The following CRIM1 variants were observed in gnomAD, a reference collection of about 807,000 sequenced individuals.
The protein encoded by CRIM1 is cysteine-rich motor neuron 1 protein.
CRIM1 carries 32 observed loss-of-function variants against 116.4 expected under a neutral mutation model. The observed-to-expected ratio is 0.27, with a 90% CI of 0.21 to 0.37. CRIM1 has a LOEUF of 0.37. CRIM1 is among the 10% of genes least tolerant of loss of function. The probability of loss-of-function intolerance (pLI) is 1.00; values close to 1 mark genes in which losing one functional copy is unlikely to be tolerated. For synonymous variants in CRIM1, 590 were observed against 509.2 expected (o/e 1.16, Z -2.13); for missense variants, 1,331 against 1,354.8 (o/e 0.98, Z 0.28).
chr2:36,495,186 CCAT>C (rs1180040392), intron 7 of CRIM1, among the ~76,000 whole-genome samples: 1 of 152,116 alleles, frequency 6.6e-6, no homozygotes, highest in Non-Finnish European at 1.5e-5. Flanking sequence ...TAGGGGATCA[CCAT>C]CATCCTAGAA....
At chr2:36,517,970 A>G (rs1041980672) in intron 12 of CRIM1, among the ~76,000 whole-genome samples, 2 of 152,242 alleles carry the variant, frequency 1.3e-5, no homozygotes, top group African/African-American at 4.8e-5. Context: ...ATTCTTTGAA[A>G]TATAAGGGTG....
intron 13 of CRIM1, among the ~76,000 whole-genome samples, chr2:36,533,285 G>C (rs921389002): frequency 1.3e-5 from 2 of 152,034 alleles, no homozygotes; most frequent in Non-Finnish European, 2.9e-5. Context: ...AGTGTATCTA[G>C]GAAAAGAAAT....
At chr2:36,467,261 C>T (rs1410877699) in intron 5 of CRIM1, among the ~76,000 whole-genome samples, 1 of 152,182 alleles carries the variant, frequency 6.6e-6, no homozygotes, top group African/African-American at 2.4e-5. Context: ...ATATATCAGT[C>T]ATTCACCTGT....
chr2:36,445,615 T>C (rs1218680938), intron 4 of CRIM1, among the ~76,000 whole-genome samples: 1 of 152,232 alleles, frequency 6.6e-6, no homozygotes, highest in African/African-American at 2.4e-5. Flanking sequence ...TTCCTCTGTA[T>C]GCATTAGTGC....
intron 1 of CRIM1, among the ~76,000 whole-genome samples, chr2:36,368,196 G>A (rs1315049686): frequency 3.3e-5 from 5 of 152,196 alleles, no homozygotes; most frequent in African/African-American, 9.7e-5. Context: ...GGGGTGTGGG[G>A]TCGCTGGCCA....
intron 9 of CRIM1, 127 bp from the exon 10 acceptor site, chr2:36,512,146 T>G: frequency 8.6e-7 from 1 of 1,159,796 alleles, no homozygotes. Context: ...TCCAGGAATC[T>G]TTGAGAGCAA....
intron 16 of CRIM1, 70 bp from the exon 17 acceptor site, chr2:36,548,455 A>G: frequency 8.3e-7 from 1 of 1,202,838 alleles, no homozygotes; most frequent in Non-Finnish European, 1.2e-6. Context: ...TAGGTACTAA[A>G]TTTCTGTTCA....
chr2:36,394,231 C>T (rs1159945776), intron 1 of CRIM1, among the ~76,000 whole-genome samples: 2 of 152,116 alleles, frequency 1.3e-5, no homozygotes, highest in Non-Finnish European at 2.9e-5. Context: ...ACATGGCTTC[C>T]AGTAGTTCAA....
intron 1 of CRIM1, among the ~76,000 whole-genome samples, chr2:36,362,823 A>G (rs958211735): frequency 6.6e-6 from 1 of 152,208 alleles, no homozygotes; most frequent in African/African-American, 2.4e-5. Flanking sequence ...GTGAACAGGT[A>G]TCAATTCCTT....
intron 1 of CRIM1, among the ~76,000 whole-genome samples, chr2:36,364,456 A>C (rs1572560050): frequency 6.6e-6 from 1 of 152,338 alleles, no homozygotes; most frequent in South Asian, 2.1e-4. Context: ...CAGTTCAGTA[A>C]GCCATGAGAT....
chr2:36,544,064 A>G (rs2125187457), intron 14 of CRIM1, among the ~76,000 whole-genome samples: 1 of 152,370 alleles, frequency 6.6e-6, no homozygotes, highest in East Asian at 1.9e-4. Flanking sequence ...AAAGTAATAA[A>G]TAACTTCAGC....
chr2:36,486,015 T>G (rs1253378761), intron 7 of CRIM1, among the ~76,000 whole-genome samples: 3 of 152,218 alleles, frequency 2.0e-5, no homozygotes, highest in Non-Finnish European at 4.4e-5. Flanking sequence ...ACCTAGGTCT[T>G]TAACATAAAC....
intron 4 of CRIM1, among the ~76,000 whole-genome samples, chr2:36,452,203 A>G (rs860232): frequency 0.76 from 114,852 of 151,850 alleles, 43,948 homozygotes; most frequent in East Asian, 0.89. Flanking sequence ...TAATTTGAAT[A>G]ATTTCTCCAG....
chr2:36,518,738 C>G (rs904888743), intron 12 of CRIM1, among the ~76,000 whole-genome samples: 2 of 152,176 alleles, frequency 1.3e-5, no homozygotes, highest in Non-Finnish European at 2.9e-5. Context: ...GTTGTCATCA[C>G]AATTCACTCA....
intron 1 of CRIM1, among the ~76,000 whole-genome samples, chr2:36,386,704 T>G (rs1671191813): frequency 6.6e-6 from 1 of 152,242 alleles, no homozygotes; most frequent in African/African-American, 2.4e-5. Context: ...AGAACCCACT[T>G]CGGGTAAAGG....
intron 13 of CRIM1, among the ~76,000 whole-genome samples, chr2:36,531,149 G>A (rs778023378): frequency 2.6e-5 from 4 of 152,188 alleles, no homozygotes; most frequent in East Asian, 1.9e-4. Flanking sequence ...TAAATAGTAC[G>A]CAGGAGATTT....
chr2:36,381,756 C>T (rs747874783), intron 1 of CRIM1, among the ~76,000 whole-genome samples: 42 of 152,290 alleles, frequency 2.8e-4, no homozygotes, highest in Middle Eastern at 3.4e-3. Flanking sequence ...TACTGTACTC[C>T]AGCCTGTATG....
intron 2 of CRIM1, among the ~76,000 whole-genome samples, chr2:36,439,572 C>G (rs747998252): frequency 2.6e-5 from 4 of 152,176 alleles, no homozygotes; most frequent in Non-Finnish European, 5.9e-5. Context: ...CACTGACGTT[C>G]TTACTCTTCC....
rs983575450 is a variant in CRIM1, at chr2:36,442,485, T to A, written c.749-130T>A. ...CTATAGCATTAACTGGAGTAACATG[T>A]CGACACTAGGACTGGGTTTGTGGAA... On this transcript the variant is annotated intron_variant, in intron 3 of 16. Coordinates refer to ENST00000280527, the MANE Select transcript of CRIM1 (RefSeq NM_016441.3). 8 of 1,034,480 alleles carry A rather than the reference T, an allele frequency of 7.7e-6. No homozygotes were observed. In the African/African-American group the frequency reaches 1.3e-4, roughly 16 times the overall value. 64.1% of individuals were successfully genotyped at this position (1,034,480 alleles called of 1,614,324 possible).
Sources: gnomAD v4.1 joint callset for allele counts (sites outside exome capture counted in the v4.1 genomes callset) on GRCh38, gnomAD v4.1.1 for gene constraint, MANE v1.5 for transcripts, NCBI Gene and HGNC (gene_info 2026-07-23, HGNC 2026-07-21) for gene names.